LARP1B: variants seen among roughly 807,000 people sequenced by gnomAD.
LARP1B encodes the protein La ribonucleoprotein 1B.
Under a neutral mutation model 114.2 loss-of-function variants are expected in LARP1B, and 76 were observed. The observed-to-expected ratio is 0.67, with a 90% confidence interval of 0.55 to 0.81. The LOEUF (loss-of-function observed/expected upper bound fraction) is 0.81, where lower values mean the gene tolerates loss of function less well. LARP1B is among the 30% of genes least tolerant of loss of function. LARP1B has a pLI of 0.00. For missense variants in LARP1B, 1,014 were observed against 1,075.8 expected, an observed-to-expected ratio of 0.94 and a Z score of 0.80; for synonymous variants, 345 against 348.0, an observed-to-expected ratio of 0.99 and a Z score of 0.10.
At chr4:128,204,746 G>A (rs1488456598) in intron 17 of LARP1B, among the ~76,000 whole-genome samples, 2 of 151,968 alleles carry the variant, frequency 1.3e-5, no homozygotes, top group African/African-American at 4.8e-5. Flanking sequence ...ATAAATGCTT[G>A]AGGGGATGGA....
chr4:128,103,809 G>A (rs1201539236), intron 8 of LARP1B, among the ~76,000 whole-genome samples: 1 of 151,872 alleles, frequency 6.6e-6, no homozygotes, highest in Non-Finnish European at 1.5e-5. Flanking sequence ...TGATCCGCCC[G>A]TCTCGGCCTC....
intron 8 of LARP1B, among the ~76,000 whole-genome samples, chr4:128,103,327 CAA>C (rs1210527754): frequency 1.3e-5 from 2 of 151,508 alleles, no homozygotes; most frequent in African/African-American, 4.9e-5. Flanking sequence ...ATAAATTACA[CAA>C]AATTCAAAAC....
intron 11 of LARP1B, among the ~76,000 whole-genome samples, chr4:128,145,931 C>CT (rs1472131210): frequency 6.6e-6 from 1 of 152,154 alleles, no homozygotes; most frequent in Non-Finnish European, 1.5e-5. Context: ...ATTAAAAAGT[C>CT]TGACAATATT....
chr4:128,189,324 C>CT (rs70966089), intron 15 of LARP1B, among the ~76,000 whole-genome samples: 615 of 6,790 alleles, frequency 0.091, 164 homozygotes, highest in Non-Finnish European at 0.15. Flanking sequence ...AGTATGGCTA[C>CT]TTTTTTTTTT....
Position 128,211,883 on chromosome 4 carries a change from G to A in LARP1B, c.*1830G>A, listed in dbSNP as rs1759041653. ...GTTTTGTGGTTTGTATTAATTAGTA[G>A]TTTTATCATATTTTTATTATAAAAG... On this transcript the variant is annotated 3_prime_UTR_variant, in exon 20 of 20. Transcript: ENST00000326639. 1 of 411,730 alleles carries A rather than the reference G, an allele frequency of 2.4e-6. No individual in the cohort carries two copies. Among genetic ancestry groups the A allele is most frequent in the South Asian group, 1.0e-4 (1 of 9,584 alleles). The allele number at this position is 411,730 out of a possible 1,614,324, so 25.5% of individuals were successfully genotyped here. A position where few individuals can be genotyped will look rare whatever the true frequency, so the allele number is the denominator to read the frequency against.
chr4:128,196,732 G>A (rs555269388), intron 15 of LARP1B, among the ~76,000 whole-genome samples: 2 of 151,838 alleles, frequency 1.3e-5, no homozygotes, highest in Admixed American at 1.3e-4. Context: ...AACACATATT[G>A]TATGCCCATG....
In LARP1B at chr4:128,156,117, C is replaced by T. The variant is rs1735506966; in HGVS notation, c.1525-6077C>T. ...TCACCTACCCCAGCACTCCTGAGCC[C>T]TGTGCCTCAGCTCATCACAAGAGTA... On this transcript the variant is annotated intron_variant, in intron 11 of 19. Coordinates refer to ENST00000326639, the MANE Select transcript of LARP1B (RefSeq NM_018078.4). 4 of 1,609,978 alleles carry T rather than the reference C, an allele frequency of 2.5e-6. No individual in the cohort carries two copies. The Admixed American group carries it at 6.7e-5, about 27-fold the overall frequency.
At chr4:128,209,472 G>A (rs1386438355) in intron 19 of LARP1B, among the ~76,000 whole-genome samples, 1 of 152,122 alleles carries the variant, frequency 6.6e-6, no homozygotes, top group Non-Finnish European at 1.5e-5. Flanking sequence ...GCTACAGAGT[G>A]AGACTCCGTC....
chr4:128,148,401 A>G (rs1321920197), intron 11 of LARP1B, among the ~76,000 whole-genome samples: 1 of 152,024 alleles, frequency 6.6e-6, no homozygotes, highest in Non-Finnish European at 1.5e-5. Context: ...ATTGCACTCC[A>G]GTCCAGCCTG....
chr4:128,122,463 T>TG (rs1788317719), intron 11 of LARP1B: 2 of 1,517,400 alleles, frequency 1.3e-6, no homozygotes, highest in Admixed American at 2.2e-5. Flanking sequence ...TGTTTTGTTT[T>TG]TTTTTGTTTT....
rs1008369581 is a variant in LARP1B, at chr4:128,210,698, T to G, written c.*645T>G. ...GAGTATATGCACTTTTGATGCTAGG[T>G]TTTGCTTTTCTCCCCCCAGTCATAT... On this transcript the variant is annotated 3_prime_UTR_variant, in exon 20 of 20. Coordinates refer to ENST00000326639, the MANE Select transcript of LARP1B (RefSeq NM_018078.4). 84 of 984,894 alleles carry G rather than the reference T, an allele frequency of 8.5e-5. No homozygotes were observed. The highest frequency in any genetic ancestry group is 9.9e-5 in the Non-Finnish European group (82 of 829,464). 61.0% of individuals were successfully genotyped at this position (984,894 alleles called of 1,614,324 possible).
At chr4:128,093,606 GA>G (rs924820182) in intron 7 of LARP1B, among the ~76,000 whole-genome samples, 2 of 144,094 alleles carry the variant, frequency 1.4e-5, no homozygotes, top group African/African-American at 2.5e-5. Flanking sequence ...AAAAAAGAAA[GA>G]AAAAAAAATG....
At chr4:128,098,846 C>T (rs1161695948) in intron 8 of LARP1B, among the ~76,000 whole-genome samples, 1 of 136,784 alleles carries the variant, frequency 7.3e-6, no homozygotes, top group Admixed American at 7.9e-5. Flanking sequence ...GGCATGATAT[C>T]GGCTCACCAC....
At chr4:128,111,986 A>G (rs552254828) in intron 9 of LARP1B, among the ~76,000 whole-genome samples, 1 of 151,662 alleles carries the variant, frequency 6.6e-6, no homozygotes. Flanking sequence ...CACTGTGCCC[A>G]TCCTCTGTCT....
chr4:128,117,771 C>T (rs886251666), intron 10 of LARP1B, among the ~76,000 whole-genome samples: 8 of 152,164 alleles, frequency 5.3e-5, no homozygotes, highest in Admixed American at 1.3e-4. Context: ...CCGCTGGCCT[C>T]GGCCTCCCAA....
intron 11 of LARP1B, among the ~76,000 whole-genome samples, chr4:128,158,877 C>G (rs1197387975): frequency 6.6e-6 from 1 of 151,910 alleles, no homozygotes; most frequent in African/African-American, 2.4e-5. Context: ...TCTTATGTAA[C>G]TATAGCACAA....
intron 11 of LARP1B, among the ~76,000 whole-genome samples, chr4:128,125,900 A>T (rs1045465277): frequency 6.6e-6 from 1 of 152,182 alleles, no homozygotes; most frequent in Non-Finnish European, 1.5e-5. Flanking sequence ...ATTTGATGTG[A>T]TTGTGGTCTC....
chr4:128,122,559 C>T (rs1284690125), intron 11 of LARP1B: 11 of 1,516,968 alleles, frequency 7.3e-6, no homozygotes, highest in African/African-American at 1.4e-5. Flanking sequence ...TTTATATGCT[C>T]ATTGCTTACC....
chr4:128,139,013 T>G (rs1456575596), intron 11 of LARP1B, among the ~76,000 whole-genome samples: 1 of 152,128 alleles, frequency 6.6e-6, no homozygotes, highest in Non-Finnish European at 1.5e-5. Flanking sequence ...ATATAGCAGT[T>G]TTTTAAAAAA....
Sources: gnomAD v4.1 joint callset for allele counts (sites outside exome capture counted in the v4.1 genomes callset) on GRCh38, gnomAD v4.1.1 for gene constraint, MANE v1.5 for transcripts, NCBI Gene and HGNC (gene_info 2026-07-23, HGNC 2026-07-21) for gene names.